Variants in EDIL3 observed in about 807,000 individuals in gnomAD.
EDIL3 encodes EGF-like repeat and discoidin I-like domain-containing protein 3.
EDIL3 carries 37 observed loss-of-function variants against 67.4 expected under a neutral mutation model. The observed-to-expected ratio is 0.55, with a 90% CI of 0.42 to 0.72. The LOEUF (loss-of-function observed/expected upper bound fraction) is 0.72, where lower values mean the gene tolerates loss of function less well. EDIL3 is among the 30% of genes least tolerant of loss of function. The pLI is 0.00. For synonymous variants in EDIL3, 195 were observed against 196.3 expected, an observed-to-expected ratio of 0.99 and a Z score of 0.05; for missense variants, 527 against 586.3, an observed-to-expected ratio of 0.90 and a Z score of 1.04.
chr5:83,967,126 G>T (rs1744703363), intron 9 of EDIL3, among the ~76,000 whole-genome samples: 1 of 151,988 alleles, frequency 6.6e-6, no homozygotes, highest in Non-Finnish European at 1.5e-5. Context: ...TTCAAGACCA[G>T]CCTGGGCTAC....
rs563921282 is a variant in EDIL3, at chr5:84,119,633, G to A, written c.470-12803C>T. ...GTGGTACAAAATGAGGATGTCCTACGGAAAAGTTTCATATTAACACTTTGA... is the reference window on the plus strand; with the variant it reads ...GTGGTACAAAATGAGGATGTCCTACAGAAAAGTTTCATATTAACACTTTGA... On this transcript the variant is annotated intron_variant, in intron 5 of 10. Coordinates refer to ENST00000296591, the MANE Select transcript of EDIL3 (RefSeq NM_005711.5). Among the ~76,000 whole-genome samples, 4 of 152,016 alleles carry A rather than the reference G, an allele frequency of 2.6e-5. No homozygotes were observed. The South Asian group carries it at 6.2e-4, about 24-fold the overall frequency.
At chr5:84,245,848 A>C (rs919318507) in intron 2 of EDIL3, among the ~76,000 whole-genome samples, 2 of 151,936 alleles carry the variant, frequency 1.3e-5, no homozygotes, top group Non-Finnish European at 2.9e-5. Context: ...GTTAGGAGTA[A>C]AAGGGCAATT....
intron 1 of EDIL3, among the ~76,000 whole-genome samples, chr5:84,274,343 C>T (rs1745532715): frequency 6.6e-6 from 1 of 152,102 alleles, no homozygotes; most frequent in Non-Finnish European, 1.5e-5. Context: ...CTCAAGCAAT[C>T]CTCCCACCTT....
chr5:84,362,465 G>A (rs1747629393), intron 1 of EDIL3, among the ~76,000 whole-genome samples: 1 of 151,972 alleles, frequency 6.6e-6, no homozygotes, highest in Non-Finnish European at 1.5e-5. Context: ...ATGGACTGAT[G>A]GTTTACATTC....
At chr5:84,300,260 T>C (rs1262576068) in intron 1 of EDIL3, among the ~76,000 whole-genome samples, 4 of 152,170 alleles carry the variant, frequency 2.6e-5, no homozygotes, top group Admixed American at 2.6e-4. Context: ...TATTCTCCCA[T>C]AATCACATCC....
intron 4 of EDIL3, among the ~76,000 whole-genome samples, chr5:84,145,294 T>G (rs1748272434): frequency 6.6e-6 from 1 of 152,060 alleles, no homozygotes; most frequent in African/African-American, 2.4e-5. Context: ...CTGTATTAAA[T>G]TAGGAAGAAA....
rs942827017 is a variant in EDIL3 at position 83,989,397 on chromosome 5, G to A, written c.1138-26037C>T. ...GCTATCAGTGCTACACAACAGAGAAGGCTCCCAGATAGCAGAGATAGTTTG... is the reference window on the plus strand; with the variant it reads ...GCTATCAGTGCTACACAACAGAGAAAGCTCCCAGATAGCAGAGATAGTTTG... On this transcript the variant is annotated intron_variant, in intron 9 of 10. Transcript: ENST00000296591. Among the ~76,000 whole-genome samples the A allele has an allele frequency of 5.9e-5, 9 of 152,176 alleles. No homozygotes were observed. In the South Asian group the frequency reaches 1.9e-3, roughly 32 times the overall value.
At position 84,142,825 on chromosome 5, in the gene EDIL3, C is replaced by A. The variant is rs575216953; in HGVS notation, c.356-5471G>T. On this transcript the variant is annotated intron_variant, in intron 4 of 10. Transcript: ENST00000296591. ...GGAGACAATGATAGACGGTGCCCCC[C>A]CCCCCAAGCTTTTTTTTCTTTTGCG... is the stretch of plus-strand genomic sequence containing the variant. 3.4e-4 allele frequency among the ~76,000 whole-genome samples: 50 copies of A among 147,186 alleles called. No individual in the cohort carries two copies. The South Asian group carries it at 6.8e-3, about 20-fold the overall frequency.
intron 9 of EDIL3, among the ~76,000 whole-genome samples, chr5:84,043,255 A>G (rs1746163282): frequency 1.3e-5 from 2 of 152,198 alleles, no homozygotes; most frequent in South Asian, 2.1e-4. Context: ...GTCCATGCAT[A>G]TGACTCATTT....
intron 2 of EDIL3, among the ~76,000 whole-genome samples, chr5:84,238,571 A>G (rs1464463683): frequency 6.6e-6 from 1 of 151,742 alleles, no homozygotes; most frequent in Non-Finnish European, 1.5e-5. Context: ...ACGTAGAGCT[A>G]ATCTAATGTG....
At position 84,280,947 on chromosome 5, in the gene EDIL3, CAAAAAAAAA is replaced by C. The variant is rs11302104; in HGVS notation, c.68-26744_68-26736del. Reference sequence around the variant, plus strand: ...CCTGGGCAACAAAGCAAGACTCTGTCAAAAAAAAAAAAAAAAAAAAAAAGGAAATAAAAA... The same window carrying C: ...CCTGGGCAACAAAGCAAGACTCTGTCAAAAAAAAAAAAAAGGAAATAAAAA... On this transcript the variant is annotated intron_variant, in intron 1 of 10. Coordinates refer to ENST00000296591, the MANE Select transcript of EDIL3 (RefSeq NM_005711.5). Among the ~76,000 whole-genome samples, 17 of 70,204 alleles carry C rather than the reference CAAAAAAAAA, an allele frequency of 2.4e-4. No homozygotes were observed. In the South Asian group the frequency reaches 7.2e-3, roughly 30 times the overall value. 46.1% of individuals were successfully genotyped at this position (70,204 alleles called of 152,430 possible).
chr5:84,231,402 C>T (rs1255890675), intron 2 of EDIL3, among the ~76,000 whole-genome samples: 1 of 152,152 alleles, frequency 6.6e-6, no homozygotes, highest in Non-Finnish European at 1.5e-5. Flanking sequence ...AGAATATTAC[C>T]GTTGAATTAT....
chr5:84,056,578 G>A (rs1229292023), intron 9 of EDIL3, among the ~76,000 whole-genome samples: 1 of 152,196 alleles, frequency 6.6e-6, no homozygotes, highest in South Asian at 2.1e-4. Context: ...AGGGTATTTT[G>A]GGGGGCTGAA....
At chr5:84,365,014 T>C (rs138598314) in intron 1 of EDIL3, among the ~76,000 whole-genome samples, 39 of 152,166 alleles carry the variant, frequency 2.6e-4, no homozygotes, top group Admixed American at 8.5e-4. Flanking sequence ...GTATTGGGTT[T>C]TGAGGGGTTG....
At chr5:84,087,633 T>C (rs946523848) in intron 6 of EDIL3, among the ~76,000 whole-genome samples, 1 of 152,218 alleles carries the variant, frequency 6.6e-6, no homozygotes, top group African/African-American at 2.4e-5. Flanking sequence ...GTCACTGAGA[T>C]TGACGAGAAT....
intron 1 of EDIL3, among the ~76,000 whole-genome samples, 193 bp downstream of exon 1, chr5:84,384,115 C>A (rs1014584746): frequency 3.9e-5 from 6 of 152,124 alleles, no homozygotes; most frequent in African/African-American, 1.4e-4. Flanking sequence ...TCTCCCCGCT[C>A]GGCCCCGCGC....
chr5:83,989,367 G>T (rs1167071377), intron 9 of EDIL3, among the ~76,000 whole-genome samples: 1 of 152,128 alleles, frequency 6.6e-6, no homozygotes. Flanking sequence ...CAAATGTGAG[G>T]CTTTGCTATC....
At chr5:84,350,623 C>T (rs953347394) in intron 1 of EDIL3, among the ~76,000 whole-genome samples, 40 of 152,062 alleles carry the variant, frequency 2.6e-4, no homozygotes, top group African/African-American at 9.2e-4. Context: ...ATTCTATTAT[C>T]TAGCTTTTTT....
intron 1 of EDIL3, among the ~76,000 whole-genome samples, chr5:84,265,562 T>C (rs1580043391): frequency 6.6e-6 from 1 of 152,224 alleles, no homozygotes; most frequent in East Asian, 1.9e-4. Flanking sequence ...TTACAACGTT[T>C]TCACATGAAG....
Sources: allele counts gnomAD v4.1 joint callset (sites outside exome capture counted in the v4.1 genomes callset), GRCh38; gene constraint gnomAD v4.1.1; transcripts MANE v1.5; gene names NCBI Gene and HGNC (gene_info 2026-07-23, HGNC 2026-07-21).